The following IL22RA2 variants were observed in gnomAD, a reference collection of about 807,000 sequenced individuals.
IL22RA2 encodes interleukin 22 receptor subunit alpha 2.
In IL22RA2, 39 loss-of-function variants were observed where a neutral mutation model predicts 30.7. The ratio of observed to expected loss-of-function variants is 1.27; its 90% CI spans 0.98 to 1.66. The LOEUF is 1.66. Among genes scored for constraint, IL22RA2 ranks in the 40% most tolerant of loss-of-function variants. The pLI is 0.00. For synonymous variants in IL22RA2, 103 were observed against 105.0 expected (o/e 0.98, Z 0.11); for missense variants, 315 against 312.7 (o/e 1.01, Z -0.05).
intron 4 of IL22RA2, 123 bp from the exon 5 acceptor site, chr6:137,155,242 C>G (rs1014341955): frequency 2.5e-5 from 16 of 647,204 alleles, no homozygotes; most frequent in Non-Finnish European, 3.3e-5. Context: ...TAGCTTATGG[C>G]TCCTCTTCAG....
At position 137,147,827 on chromosome 6, in the gene IL22RA2, A is replaced by G. The variant is rs1223737090; in HGVS notation, c.537T>C (p.His179=). ...QVNGSLLVIL[H]APNLPYRYQK... ...GGTATCTATATGGTAAATTTGGAGCATGGAGAATTACCAACAAAGAGCCAT... is the reference window on the plus strand; with the variant it reads ...GGTATCTATATGGTAAATTTGGAGCGTGGAGAATTACCAACAAAGAGCCAT... The change falls in exon 6 of 7, where the codon CAT becomes CAC. Residue 179 remains histidine, a synonymous_variant. Coordinates refer to ENST00000296980, the MANE Select transcript of IL22RA2 (RefSeq NM_052962.3). 2 of 1,613,526 alleles carry G rather than the reference A, an allele frequency of 1.2e-6. No homozygotes were observed. Among genetic ancestry groups the G allele is most frequent in the Non-Finnish European group, 1.7e-6 (2 of 1,179,660 alleles).
At chr6:137,159,042 A>G (rs573289945) in intron 2 of IL22RA2, among the ~76,000 whole-genome samples, 1 of 152,196 alleles carries the variant, frequency 6.6e-6, no homozygotes, top group East Asian at 1.9e-4. Flanking sequence ...CCTGGCTCCA[A>G]GTATCCAAGC....
At chr6:137,145,844 A>G in intron 6 of IL22RA2, 71 bp from the exon 7 acceptor site, 1 of 1,535,810 alleles carries the variant, frequency 6.5e-7, no homozygotes, top group Admixed American at 1.7e-5. Context: ...TTTTGTTTAA[A>G]TTAACAAGTT....
At position 137,144,353 on chromosome 6, in the gene IL22RA2, T is replaced by C. The variant is rs763873139; in HGVS notation, c.*1271A>G. On this transcript the variant is annotated 3_prime_UTR_variant, in exon 7 of 7. Coordinates refer to ENST00000296980, the MANE Select transcript of IL22RA2 (RefSeq NM_052962.3). ...ATTTTTTAATCCATTTATCACTGAG[T>C]ACTTGCATATAACTAGAAGCACCGA... 4 of 152,252 alleles carry C rather than the reference T, an allele frequency of 2.6e-5. No individual in the cohort carries two copies. Among genetic ancestry groups the C allele is most frequent in the Non-Finnish European group, 5.9e-5 (4 of 68,056 alleles). The allele number at this position is 152,252 out of a possible 1,614,324, so 9.4% of individuals were successfully genotyped here. A position where few individuals can be genotyped will look rare whatever the true frequency, so the allele number is the denominator to read the frequency against.
intron 1 of IL22RA2, among the ~76,000 whole-genome samples, chr6:137,169,642 G>T (rs543601231): frequency 6.6e-6 from 1 of 152,262 alleles, no homozygotes; most frequent in African/African-American, 2.4e-5. Flanking sequence ...GCACAAGATG[G>T]GTCATGGGGA....
rs1360767453 is a variant in IL22RA2 at position 137,151,596 on chromosome 6, T to C, written c.472+3345A>G. 3.3e-5 allele frequency among the ~76,000 whole-genome samples: 5 copies of C among 152,100 alleles called. No individual in the cohort carries two copies. The East Asian group carries it at 9.6e-4, about 29-fold the overall frequency. The stretch of plus-strand genomic sequence containing the variant: ...TAAAACTTGGTGTCAAGTGATACCA[T>C]CAAGAAAGTAAAAAGACAACTCACA... On this transcript the variant is annotated intron_variant, in intron 5 of 6. Transcript: ENST00000296980.
chr6:137,150,216 T>C (rs1027335126), intron 5 of IL22RA2, among the ~76,000 whole-genome samples: 9 of 152,312 alleles, frequency 5.9e-5, no homozygotes, highest in African/African-American at 1.4e-4. Flanking sequence ...TTAGTCTATA[T>C]CACAGATGCC....
intron 1 of IL22RA2, among the ~76,000 whole-genome samples, chr6:137,165,427 A>T (rs1319239694): frequency 1.3e-5 from 2 of 152,150 alleles, no homozygotes; most frequent in African/African-American, 4.8e-5. Context: ...GGTGGCTACT[A>T]AGGTGTTTGT....
Sources: gnomAD v4.1 joint callset for allele counts (sites outside exome capture counted in the v4.1 genomes callset) on GRCh38, gnomAD v4.1.1 for gene constraint, MANE v1.5 for transcripts, NCBI Gene and HGNC (gene_info 2026-07-23, HGNC 2026-07-21) for gene names.